ATP10B: variants seen among roughly 807,000 people sequenced by gnomAD.
The protein encoded by ATP10B is ATPase phospholipid transporting 10B (putative).
In ATP10B, 122 loss-of-function variants were observed where a neutral mutation model predicts 141.2. That is an observed-to-expected ratio of 0.86 (90% CI 0.75 to 1.00). The LOEUF (loss-of-function observed/expected upper bound fraction) is 1.00, where lower values mean the gene tolerates loss of function less well. Among genes scored for constraint, ATP10B ranks in the 50% least tolerant of loss-of-function variants. The pLI, the probability that ATP10B is intolerant of heterozygous loss-of-function variation, is 0.00. For missense variants in ATP10B, 1,876 were observed against 1,825.3 expected (o/e 1.03, Z -0.51); for synonymous variants, 685 against 692.0 (o/e 0.99, Z 0.16).
intron 2 of ATP10B, among the ~76,000 whole-genome samples, chr5:160,767,233 T>C (rs1299836246): frequency 6.6e-6 from 1 of 152,192 alleles, no homozygotes; most frequent in Non-Finnish European, 1.5e-5. Context: ...TAAGTCAATA[T>C]TCTCTTCTTT....
At chr5:160,919,612 A>T in the ATP10B span, among the ~76,000 whole-genome samples, 1 of 152,204 alleles carries the variant, frequency 6.6e-6, no homozygotes, top group Non-Finnish European at 1.5e-5. Flanking sequence ...TGAAAAGATG[A>T]TTCTGATTGC....
At chr5:160,663,794 A>AG (rs1321809818) in intron 7 of ATP10B, among the ~76,000 whole-genome samples, 2 of 151,806 alleles carry the variant, frequency 1.3e-5, no homozygotes, top group African/African-American at 4.8e-5. Context: ...TATAATAAAA[A>AG]AAAATTTCCA....
At position 160,850,907 on chromosome 5, in the gene ATP10B, G is replaced by C. The variant is rs76706320; in HGVS notation, c.-576+1034C>G. 6.0e-3 allele frequency among the ~76,000 whole-genome samples: 916 copies of C among 152,294 alleles called. 13 individuals carry two copies. The highest frequency in any genetic ancestry group is 0.021 in the African/African-American group (872 of 41,554). On this transcript the variant is annotated intron_variant, in intron 1 of 25. Transcript: ENST00000327245. ...ATGGATGAAATGACAAACTCAGTGG[G>C]TGTTATTAAGAGTAATTATAGTAAC...
intron 3 of ATP10B, among the ~76,000 whole-genome samples, chr5:160,707,819 A>C (rs1765106294): frequency 1.3e-5 from 2 of 152,224 alleles, no homozygotes; most frequent in African/African-American, 2.4e-5. Context: ...TTCGGCATTT[A>C]AGTACTCCTG....
At chr5:160,707,796 TAG>T (rs1172426753) in intron 3 of ATP10B, among the ~76,000 whole-genome samples, 14 of 152,120 alleles carry the variant, frequency 9.2e-5, no homozygotes, top group African/African-American at 3.1e-4. Context: ...GGGAAGAAAG[TAG>T]AGACACAGGC....
intron 15 of ATP10B, 21 bp downstream of exon 15, chr5:160,620,326 C>T: frequency 1.3e-6 from 2 of 1,584,634 alleles, no homozygotes; most frequent in Non-Finnish European, 1.7e-6. Flanking sequence ...GTGCCTGGAA[C>T]CCTGGTAAGG....
At chr5:160,795,617 A>T (rs1468911178) in intron 1 of ATP10B, among the ~76,000 whole-genome samples, 1 of 151,886 alleles carries the variant, frequency 6.6e-6, no homozygotes, top group African/African-American at 2.4e-5. Context: ...GATGTGATTA[A>T]CTTCAGGCTT....
chr5:160,726,680 G>GGGA (rs200657072), intron 2 of ATP10B, among the ~76,000 whole-genome samples: 1 of 147,476 alleles, frequency 6.8e-6, no homozygotes, highest in Non-Finnish European at 1.5e-5. Flanking sequence ...GGAGTAGGGG[G>GGGA]GGAGGAGGAG....
At chr5:160,604,933 T>C (rs958266097) in intron 19 of ATP10B, among the ~76,000 whole-genome samples, 1 of 152,224 alleles carries the variant, frequency 6.6e-6, no homozygotes, top group African/African-American at 2.4e-5. Flanking sequence ...TCCCCAGTGC[T>C]TTTTCTGTAA....
chr5:160,733,873 A>G (rs1256477665), intron 2 of ATP10B, among the ~76,000 whole-genome samples: 1 of 151,918 alleles, frequency 6.6e-6, no homozygotes, highest in Admixed American at 6.6e-5. Context: ...TTGAAGGCCA[A>G]GGAGGTAAGA....
At chr5:160,612,214 A>G (rs1191903655) in intron 18 of ATP10B, 1 of 152,266 alleles carries the variant, frequency 6.6e-6, no homozygotes, top group African/African-American at 2.4e-5. Flanking sequence ...AGCTTGACAT[A>G]TAAATTGATG....
chr5:160,813,344 C>T (rs1315612169), intron 1 of ATP10B, among the ~76,000 whole-genome samples: 2 of 152,198 alleles, frequency 1.3e-5, no homozygotes, highest in African/African-American at 4.8e-5. Context: ...ATATCCCGCG[C>T]ATGGCTTGGA....
At chr5:160,608,871 T>C (rs1757553713) in intron 18 of ATP10B, among the ~76,000 whole-genome samples, 1 of 152,202 alleles carries the variant, frequency 6.6e-6, no homozygotes, top group African/African-American at 2.4e-5. Flanking sequence ...TTTTCTCCCA[T>C]TCTGTAGGTT....
chr5:160,707,807 G>T (rs1765105669), intron 3 of ATP10B, among the ~76,000 whole-genome samples: 1 of 152,190 alleles, frequency 6.6e-6, no homozygotes, highest in South Asian at 2.1e-4. Context: ...AGAGACACAG[G>T]CTTCGGCATT....
chr5:160,891,595 G>C, the ATP10B span, among the ~76,000 whole-genome samples: 4 of 152,082 alleles, frequency 2.6e-5, no homozygotes, highest in African/African-American at 9.7e-5. Context: ...GAGCCACCAC[G>C]CTAGAGTAAT....
chr5:160,900,895 G>T, the ATP10B span, among the ~76,000 whole-genome samples: 1 of 142,894 alleles, frequency 7.0e-6, no homozygotes, highest in East Asian at 2.1e-4. Flanking sequence ...AAATCCTTTT[G>T]GGGGGTAGAG....
intron 1 of ATP10B, among the ~76,000 whole-genome samples, chr5:160,836,655 G>A (rs1203508539): frequency 1.3e-5 from 2 of 152,088 alleles, no homozygotes; most frequent in Non-Finnish European, 2.9e-5. Context: ...ACAAGGCAGT[G>A]AAATTATTTT....
chr5:160,674,075 T>G (rs1240156824), intron 6 of ATP10B, among the ~76,000 whole-genome samples: 1 of 152,200 alleles, frequency 6.6e-6, no homozygotes, highest in African/African-American at 2.4e-5. Flanking sequence ...GGGGTATCAG[T>G]TGACTGCTAT....
At chr5:160,726,672 A>T (rs1422708133) in intron 2 of ATP10B, among the ~76,000 whole-genome samples, 1 of 81,932 alleles carries the variant, frequency 1.2e-5, no homozygotes, top group Admixed American at 1.5e-4. Context: ...AGGAGGAAGG[A>T]GTAGGGGGGG....
Sources: allele counts gnomAD v4.1 joint callset (sites outside exome capture counted in the v4.1 genomes callset), GRCh38; gene constraint gnomAD v4.1.1; transcripts MANE v1.5; gene names NCBI Gene and HGNC (gene_info 2026-07-23, HGNC 2026-07-21).